ESR1: variants seen among roughly 807,000 people sequenced by gnomAD.
The protein encoded by ESR1 is estrogen receptor.
Under a neutral mutation model 52.7 loss-of-function variants are expected in ESR1, and 12 were observed. That is an observed-to-expected ratio of 0.23 (90% CI 0.15 to 0.37). ESR1 has a LOEUF of 0.37. Ranked by LOEUF, ESR1 falls within the 10% of genes least tolerant of loss-of-function variation. The pLI is 1.00. For missense variants in ESR1, 584 were observed against 779.7 expected (o/e 0.75, Z 2.99); for synonymous variants, 305 against 316.8 (o/e 0.96, Z 0.39).
At chr6:151,969,862 T>C (rs913063776) in intron 4 of ESR1, among the ~76,000 whole-genome samples, 4 of 152,158 alleles carry the variant, frequency 2.6e-5, no homozygotes, top group Non-Finnish European at 5.9e-5. Context: ...TTGTTGTTGT[T>C]GTTAGTGGTG....
At chr6:151,932,242 A>G (rs2033735375) in intron 3 of ESR1, among the ~76,000 whole-genome samples, 1 of 152,050 alleles carries the variant, frequency 6.6e-6, no homozygotes, top group Non-Finnish European at 1.5e-5. Context: ...TTGGCTGCAT[A>G]AATGTCTTCT....
At position 151,944,236 on chromosome 6, in the gene ESR1, A is replaced by T. The variant is rs2128526543; in HGVS notation, c.824A>T (p.Glu275Val). The T allele has an allele frequency of 1.2e-6, 2 of 1,614,066 alleles. No homozygotes were observed. Among genetic ancestry groups the T allele is most frequent in the African/African-American group, 1.3e-5 (1 of 75,010 alleles). ...CACAAGCGCCAGAGAGATGATGGGG[A>T]GGGCAGGGGTGAAGTGGGGTCTGCT... ...LKHKRQRDDGEGRGEVGSAGD... is the reference protein window; with the variant it reads ...LKHKRQRDDGVGRGEVGSAGD... The change falls in exon 4 of 8, where the codon GAG (glutamate) becomes GTG (valine). Residue 275 changes from glutamate (E) to valine (V), a missense_variant. Coordinates refer to ENST00000206249, the MANE Select transcript of ESR1 (RefSeq NM_000125.4).
At chr6:151,949,556 T>C (rs1318607628) in intron 4 of ESR1, among the ~76,000 whole-genome samples, 1 of 152,210 alleles carries the variant, frequency 6.6e-6, no homozygotes, top group Non-Finnish European at 1.5e-5. Context: ...AAGGACAAGA[T>C]TTGCCATTTA....
At chr6:151,962,050 G>C (rs2037733158) in intron 4 of ESR1, among the ~76,000 whole-genome samples, 1 of 152,128 alleles carries the variant, frequency 6.6e-6, no homozygotes, top group Non-Finnish European at 1.5e-5. Context: ...GGTGAGGAGG[G>C]AGTGGATGTT....
At chr6:151,781,011 A>G (rs1388072406) in intron 2 of ESR1, among the ~76,000 whole-genome samples, 1 of 152,192 alleles carries the variant, frequency 6.6e-6, no homozygotes, top group Non-Finnish European at 1.5e-5. Flanking sequence ...TAATGAAACT[A>G]ATTTTTTCTT....
intron 1 of ESR1, among the ~76,000 whole-genome samples, chr6:151,811,465 AAGTT>A (rs1475702448): frequency 4.6e-5 from 7 of 152,318 alleles, no homozygotes; most frequent in Non-Finnish European, 1.0e-4. Flanking sequence ...GTATTCTTAA[AAGTT>A]AGACGTCTCT....
chr6:151,966,767 A>G (rs1194450253), intron 4 of ESR1, among the ~76,000 whole-genome samples: 2 of 152,194 alleles, frequency 1.3e-5, no homozygotes. Flanking sequence ...TAGAAAGAGC[A>G]CACCCTTATC....
At chr6:151,696,556 T>G (rs1293936) in intron 1 of ESR1, among the ~76,000 whole-genome samples, 67,588 of 151,690 alleles carry the variant, frequency 0.45, 15,624 homozygotes, top group African/African-American at 0.53. Context: ...GGTTGTTCAG[T>G]TTTCTACCCT....
chr6:151,919,875 AACAC>A (rs956648975), intron 3 of ESR1, among the ~76,000 whole-genome samples: 3 of 152,042 alleles, frequency 2.0e-5, no homozygotes, highest in Admixed American at 1.3e-4. Context: ...ATGTTCTAGA[AACAC>A]ACACACACAG....
chr6:151,860,638 G>A (rs1583750208), intron 2 of ESR1, among the ~76,000 whole-genome samples: 1 of 152,126 alleles, frequency 6.6e-6, no homozygotes, highest in African/African-American at 2.4e-5. Context: ...GCAACAACAT[G>A]GATGAACCTG....
intron 6 of ESR1, among the ~76,000 whole-genome samples, chr6:152,091,452 G>A (rs186493777): frequency 9.8e-5 from 15 of 152,320 alleles, no homozygotes; most frequent in East Asian, 9.7e-4. Context: ...CTGAGAGTCC[G>A]TGTTAAGAAC....
intron 4 of ESR1, among the ~76,000 whole-genome samples, chr6:151,996,589 C>T (rs1199308321): frequency 6.6e-6 from 1 of 152,014 alleles, no homozygotes. Flanking sequence ...ACTTGCAGTG[C>T]CTTATTTTGA....
intron 2 of ESR1, among the ~76,000 whole-genome samples, chr6:151,799,114 C>A (rs17081692): frequency 1.2e-3 from 190 of 152,242 alleles, no homozygotes; most frequent in Non-Finnish European, 2.1e-3. Flanking sequence ...TTAAGCTGAG[C>A]AAGCAAGGCC....
At chr6:151,698,221 C>A (rs1191852336) in intron 1 of ESR1, among the ~76,000 whole-genome samples, 3 of 151,864 alleles carry the variant, frequency 2.0e-5, no homozygotes, top group Non-Finnish European at 4.4e-5. Context: ...CAAAAATTAG[C>A]CAGGTGTGGT....
At chr6:151,753,568 T>C (rs1001971609) in intron 2 of ESR1, among the ~76,000 whole-genome samples, 1 of 152,192 alleles carries the variant, frequency 6.6e-6, no homozygotes, top group African/African-American at 2.4e-5. Flanking sequence ...TCCACCCACG[T>C]TGGCCTCCCA....
chr6:152,089,001 C>T (rs1051363637), intron 6 of ESR1, among the ~76,000 whole-genome samples: 2 of 152,170 alleles, frequency 1.3e-5, no homozygotes, highest in African/African-American at 2.4e-5. Flanking sequence ...TAATATCCCA[C>T]TACATTCAAG....
chr6:152,112,049 G>C (rs552324956), intron 6 of ESR1, among the ~76,000 whole-genome samples: 37 of 152,332 alleles, frequency 2.4e-4, no homozygotes, highest in African/African-American at 8.7e-4. Flanking sequence ...AAGTGGGTTT[G>C]TCAAAAGATT....
At chr6:151,924,644 G>C (rs2032353570) in intron 3 of ESR1, among the ~76,000 whole-genome samples, 3 of 151,898 alleles carry the variant, frequency 2.0e-5, no homozygotes, top group African/African-American at 7.3e-5. Context: ...ATGCCCATTG[G>C]TTCTCATTAT....
intron 5 of ESR1, among the ~76,000 whole-genome samples, chr6:152,028,740 G>A (rs987965706): frequency 6.6e-6 from 1 of 152,204 alleles, no homozygotes; most frequent in Admixed American, 6.5e-5. Flanking sequence ...CAAACAGAAG[G>A]CAGCAGAAAC....
Sources: gnomAD v4.1 joint callset for allele counts (sites outside exome capture counted in the v4.1 genomes callset) on GRCh38, gnomAD v4.1.1 for gene constraint, MANE v1.5 for transcripts, NCBI Gene and HGNC (gene_info 2026-07-23, HGNC 2026-07-21) for gene names.